Variants in FILIP1L observed in about 807,000 individuals in gnomAD.
FILIP1L encodes filamin A-interacting protein 1-like.
A neutral mutation model predicts 96.6 loss-of-function variants in FILIP1L; 55 were observed. The observed-to-expected ratio is 0.57, with a 90% CI of 0.46 to 0.71. FILIP1L has a LOEUF of 0.71. Among genes scored for constraint, FILIP1L ranks in the 30% least tolerant of loss-of-function variants. The probability of loss-of-function intolerance (pLI) is 0.00; values close to 1 mark genes in which losing one functional copy is unlikely to be tolerated. For synonymous variants in FILIP1L, 467 were observed against 473.9 expected, an observed-to-expected ratio of 0.99 and a Z score of 0.19; for missense variants, 1,304 against 1,321.2, an observed-to-expected ratio of 0.99 and a Z score of 0.20.
chr3:99,929,723 T>A lies in FILIP1L; in HGVS notation c.426+133A>T, dbSNP rs1413291994. 37 of 572,824 alleles carry A rather than the reference T, an allele frequency of 6.5e-5. No individual in the cohort carries two copies. The East Asian group carries it at 1.1e-3, about 18-fold the overall frequency. The allele number at this position is 572,824 out of a possible 1,614,324, so 35.5% of individuals were successfully genotyped here. A position where few individuals can be genotyped will look rare whatever the true frequency, so the allele number is the denominator to read the frequency against. On this transcript the variant is annotated intron_variant, in intron 3 of 5. Transcript: ENST00000477258. ...TTTCCTATTGAACTTGTCGTATTTATCTGTTTTGTGTAGGCTTTAAGTGCG... is the reference window on the plus strand; with the variant it reads ...TTTCCTATTGAACTTGTCGTATTTAACTGTTTTGTGTAGGCTTTAAGTGCG...
chr3:99,993,718 G>A (rs1302422597), intron 1 of FILIP1L, among the ~76,000 whole-genome samples: 1 of 152,106 alleles, frequency 6.6e-6, no homozygotes, highest in African/African-American at 2.4e-5. Flanking sequence ...TGCTTTTTCT[G>A]TGTATATTGA....
chr3:100,065,394 G>A (rs577438715), intron 1 of FILIP1L, among the ~76,000 whole-genome samples: 1 of 152,108 alleles, frequency 6.6e-6, no homozygotes, highest in Non-Finnish European at 1.5e-5. Flanking sequence ...AGAGTCAGAG[G>A]AATAAAGTAA....
intron 4 of FILIP1L, among the ~76,000 whole-genome samples, chr3:99,873,910 G>A (rs1192272680): frequency 1.3e-5 from 2 of 152,134 alleles, no homozygotes; most frequent in African/African-American, 4.8e-5. Flanking sequence ...AAATTATTAT[G>A]TGCTTTATTT....
At chr3:99,909,825 T>C (rs111599877) in intron 4 of FILIP1L, among the ~76,000 whole-genome samples, 6 of 152,336 alleles carry the variant, frequency 3.9e-5, no homozygotes, top group African/African-American at 1.4e-4. Context: ...AATTCTGAAA[T>C]TGCATGGAGA....
At chr3:99,968,276 G>A (rs1208226406) in intron 1 of FILIP1L, among the ~76,000 whole-genome samples, 4 of 152,060 alleles carry the variant, frequency 2.6e-5, no homozygotes, top group Non-Finnish European at 5.9e-5. Context: ...ACAAAAAAAT[G>A]GCAAACTACA....
chr3:99,889,425 T>C (rs1706013663), intron 4 of FILIP1L, among the ~76,000 whole-genome samples: 1 of 152,122 alleles, frequency 6.6e-6, no homozygotes, highest in South Asian at 2.1e-4. Flanking sequence ...ACTAATGTCT[T>C]TTCTGACCTT....
intron 4 of FILIP1L, among the ~76,000 whole-genome samples, chr3:99,915,408 A>C (rs1380607744): frequency 6.6e-6 from 1 of 152,230 alleles, no homozygotes; most frequent in Non-Finnish European, 1.5e-5. Context: ...TTGATTTTTC[A>C]TAATAACTTT....
intron 1 of FILIP1L, among the ~76,000 whole-genome samples, chr3:100,063,990 T>G (rs1040561736): frequency 8.5e-5 from 13 of 152,212 alleles, no homozygotes; most frequent in Non-Finnish European, 1.5e-4. Context: ...ATGTTCACAC[T>G]TAAGGTTGGA....
At position 99,959,646 on chromosome 3, in the gene FILIP1L, C is replaced by G. The variant is rs13059754; in HGVS notation, c.-10-28616G>C. Reference sequence around the variant, plus strand: ...TAATCTGTAGACCAAAATGCTATAGCCTTTTAGAGATGGAACAAAATTAGT... The same window carrying G: ...TAATCTGTAGACCAAAATGCTATAGGCTTTTAGAGATGGAACAAAATTAGT... On this transcript the variant is annotated intron_variant, in intron 1 of 5. Transcript: ENST00000477258. Among the ~76,000 whole-genome samples, 688 of 151,942 alleles carry G rather than the reference C, an allele frequency of 4.5e-3. 7 individuals are homozygous for G. Among genetic ancestry groups the G allele is most frequent in the African/African-American group, 0.016 (674 of 41,418 alleles).
At chr3:99,950,790 G>T (rs1209700342) in intron 1 of FILIP1L, among the ~76,000 whole-genome samples, 1 of 152,186 alleles carries the variant, frequency 6.6e-6, no homozygotes, top group Non-Finnish European at 1.5e-5. Flanking sequence ...TGGTGCTGGA[G>T]ACTTAGGTAA....
intron 1 of FILIP1L, among the ~76,000 whole-genome samples, chr3:100,067,333 G>C (rs547054067): frequency 5.3e-5 from 8 of 152,308 alleles, no homozygotes; most frequent in African/African-American, 1.9e-4. Flanking sequence ...TATGGTGCAG[G>C]TGAAAGTCTA....
chr3:100,071,789 C>A (rs1364658839), intron 1 of FILIP1L, among the ~76,000 whole-genome samples: 1 of 152,190 alleles, frequency 6.6e-6, no homozygotes, highest in Non-Finnish European at 1.5e-5. Flanking sequence ...TTGTCTTCTT[C>A]CTGCCCTGGT....
At chr3:100,104,678 A>C (rs548579751) in intron 1 of FILIP1L, among the ~76,000 whole-genome samples, 5 of 152,260 alleles carry the variant, frequency 3.3e-5, no homozygotes, top group Admixed American at 6.5e-5. Flanking sequence ...GAGTAGTAGC[A>C]GTGAATTTGA....
chr3:100,078,353 C>T (rs558040866), intron 1 of FILIP1L, among the ~76,000 whole-genome samples: 11 of 152,222 alleles, frequency 7.2e-5, no homozygotes, highest in Non-Finnish European at 2.9e-5. Flanking sequence ...TTTTCTGTTA[C>T]AGTTCTTACA....
intron 1 of FILIP1L, among the ~76,000 whole-genome samples, chr3:100,028,981 TG>T (rs1454648653): frequency 6.6e-6 from 1 of 152,160 alleles, no homozygotes; most frequent in Non-Finnish European, 1.5e-5. Context: ...GTCCGTTACT[TG>T]AGCAGTTACT....
intron 1 of FILIP1L, among the ~76,000 whole-genome samples, chr3:100,031,645 C>A (rs1388285544): frequency 1.3e-5 from 2 of 152,118 alleles, no homozygotes; most frequent in Non-Finnish European, 2.9e-5. Flanking sequence ...AACGCATTCT[C>A]TCCCCTCAAG....
At chr3:100,099,073 T>G (rs2066261168) in intron 1 of FILIP1L, among the ~76,000 whole-genome samples, 1 of 152,228 alleles carries the variant, frequency 6.6e-6, no homozygotes. Context: ...AATGATCATT[T>G]TTCATTTGTA....
rs538033259 is a variant in FILIP1L at position 99,918,367 on chromosome 3, G to A, written c.605+5863C>T. On this transcript the variant is annotated intron_variant, in intron 4 of 5. Transcript: ENST00000477258. ...GCAGATCAGGTCTGCAGACCAGACT[G>A]CCACTATCTCTAAGCTCCTGGTTCA... Among the ~76,000 whole-genome samples the A allele has an allele frequency of 2.6e-5, 4 of 152,262 alleles. No homozygotes were observed. In the South Asian group the frequency reaches 8.3e-4, roughly 32 times the overall value.
intron 4 of FILIP1L, among the ~76,000 whole-genome samples, chr3:99,910,565 G>A (rs1706756962): frequency 1.5e-5 from 2 of 136,580 alleles, no homozygotes; most frequent in African/African-American, 5.0e-5. Context: ...ACTTTCCAAG[G>A]AAACAATTTT....
Sources: allele counts gnomAD v4.1 joint callset (sites outside exome capture counted in the v4.1 genomes callset), GRCh38; gene constraint gnomAD v4.1.1; transcripts MANE v1.5; gene names NCBI Gene and HGNC (gene_info 2026-07-23, HGNC 2026-07-21).